The following USO1 variants were observed in gnomAD, a reference collection of about 807,000 sequenced individuals.
The protein encoded by USO1 is general vesicular transport factor p115.
Under a neutral mutation model 124.5 loss-of-function variants are expected in USO1, and 57 were observed. The observed-to-expected ratio is 0.46, with a 90% confidence interval of 0.37 to 0.57. USO1 has a LOEUF of 0.57. Ranked by LOEUF, USO1 falls within the 20% of genes least tolerant of loss-of-function variation. USO1 has a pLI of 0.00. For missense variants in USO1, 900 were observed against 1,040.6 expected (o/e 0.86, Z 1.86); for synonymous variants, 369 against 362.8 (o/e 1.02, Z -0.19).
intron 5 of USO1, 41 bp from the exon 6 acceptor site, chr4:75,770,781 T>G (rs1721905398): frequency 6.3e-7 from 1 of 1,576,324 alleles, no homozygotes; most frequent in African/African-American, 1.4e-5. Context: ...CTCGAAAATG[T>G]GAATTACAGA....
intron 20 of USO1, among the ~76,000 whole-genome samples, chr4:75,807,740 G>C (rs1212847106): frequency 6.6e-6 from 1 of 151,990 alleles, no homozygotes. Flanking sequence ...CTAATATATA[G>C]CCTTAGTTTG....
chr4:75,754,346 G>T (rs1442413866), intron 3 of USO1, among the ~76,000 whole-genome samples: 1 of 151,722 alleles, frequency 6.6e-6, no homozygotes, highest in Non-Finnish European at 1.5e-5. Context: ...GCCTCCCAAA[G>T]TGCTGGGATT....
intron 1 of USO1, chr4:75,745,386 G>A (rs1560438125): frequency 3.9e-6 from 2 of 515,772 alleles, no homozygotes; most frequent in African/African-American, 1.9e-5. Context: ...CACAGGGACT[G>A]TATTACTATG....
chr4:75,802,053 A>ATCCCT (rs910836157), intron 17 of USO1, among the ~76,000 whole-genome samples: 2 of 151,398 alleles, frequency 1.3e-5, no homozygotes, highest in African/African-American at 2.4e-5. Context: ...ACCTCGGGTG[A>ATCCCT]TCCCTTCCCT....
chr4:75,741,943 C>T (rs185491791), intron 1 of USO1, among the ~76,000 whole-genome samples: 2 of 152,240 alleles, frequency 1.3e-5, no homozygotes, highest in East Asian at 3.9e-4. Context: ...CCTAGGCCTA[C>T]ACAGGGCAGG....
At chr4:75,755,909 G>T (rs753402814) in intron 3 of USO1, among the ~76,000 whole-genome samples, 2 of 152,140 alleles carry the variant, frequency 1.3e-5, no homozygotes, top group Non-Finnish European at 2.9e-5. Context: ...GGTGGCTCAT[G>T]CCTGTAATCC....
rs869308522 is a variant in USO1, at chr4:75,733,935, A to ATT, written c.66+9075_66+9076dup. On this transcript the variant is annotated intron_variant, in intron 1 of 23. Transcript: ENST00000514213. ...GATATCTCCTAGATTTTCTTCGAGG[A>ATT]TTTTTTTTTTTTTTTTTTTTTTTTT... Among the ~76,000 whole-genome samples, 214 of 77,086 alleles carry ATT rather than the reference A, an allele frequency of 2.8e-3. 5 individuals carry two copies. Among genetic ancestry groups the ATT allele is most frequent in the African/African-American group, 9.3e-3 (199 of 21,400 alleles). The allele number at this position is 77,086 out of a possible 152,430, so 50.6% of individuals were successfully genotyped here. A position where few individuals can be genotyped will look rare whatever the true frequency, so the allele number is the denominator to read the frequency against.
intron 1 of USO1, among the ~76,000 whole-genome samples, chr4:75,750,380 G>C (rs1471314139): frequency 6.6e-6 from 1 of 152,086 alleles, no homozygotes; most frequent in African/African-American, 2.4e-5. Flanking sequence ...TGTGGCTACA[G>C]GGAGCCATGA....
chr4:75,743,506 CTG>C (rs1398496922), intron 1 of USO1, among the ~76,000 whole-genome samples: 2 of 152,064 alleles, frequency 1.3e-5, no homozygotes, highest in Non-Finnish European at 2.9e-5. Flanking sequence ...CCCTCACTTT[CTG>C]TGTTTGTCTT....
chr4:75,768,006 T>C (rs534391597), intron 4 of USO1, among the ~76,000 whole-genome samples: 8 of 152,218 alleles, frequency 5.3e-5, no homozygotes, highest in African/African-American at 1.9e-4. Flanking sequence ...AGGTCTTCTT[T>C]AATTTCTTTT....
chr4:75,755,489 T>A (rs757311776), intron 3 of USO1: 5 of 519,914 alleles, frequency 9.6e-6, no homozygotes, highest in Non-Finnish European at 1.9e-5. Flanking sequence ...AAGCTAAAGA[T>A]ACAAGCTTTT....
rs369691435 is a variant in USO1, at chr4:75,804,139, C to T, written c.1992C>T (p.Leu664=). ...HYKNMIREQD[L]QLEELRQQVS... ...AATTATGTTTTGTTTCACAGGATCT[C>T]CAACTTGAGGAATTAAGGCAGCAGG... The change falls in exon 18 of 24, where the codon CTC becomes CTT. Residue 664 remains leucine, a synonymous_variant. Transcript: ENST00000514213. 44 of 1,612,496 alleles carry T rather than the reference C, an allele frequency of 2.7e-5. No homozygotes were observed. Among genetic ancestry groups the T allele is most frequent in the Non-Finnish European group, 3.6e-5 (42 of 1,179,352 alleles).
At chr4:75,793,925 A>T (rs757451823) in intron 13 of USO1, 24 bp downstream of exon 13, 1 of 1,613,146 alleles carries the variant, frequency 6.2e-7, no homozygotes, top group South Asian at 1.1e-5. Flanking sequence ...TAAGGGAAAA[A>T]GTTCTATACA....
At chr4:75,810,588 C>T in intron 22 of USO1, 49 bp downstream of exon 22, 1 of 1,515,926 alleles carries the variant, frequency 6.6e-7, no homozygotes, top group Middle Eastern at 1.7e-4. Flanking sequence ...ATGAAATGAA[C>T]TCTAGGAAAT....
At chr4:75,760,404 T>C (rs1721571617) in intron 4 of USO1, among the ~76,000 whole-genome samples, 1 of 152,224 alleles carries the variant, frequency 6.6e-6, no homozygotes, top group Non-Finnish European at 1.5e-5. Flanking sequence ...CCTAAAAATA[T>C]AGCGTATGCT....
Position 75,771,067 on chromosome 4 carries a change from G to A in USO1, c.500-15G>A, listed in dbSNP as rs776669525. On this transcript the variant is annotated splice_polypyrimidine_tract_variant and intron_variant, in intron 6 of 23. Coordinates refer to ENST00000514213, the MANE Select transcript of USO1 (RefSeq NM_003715.4). The stretch of plus-strand genomic sequence containing the variant: ...TTTGGTCTGCCAGCATTTTTCACAT[G>A]GTTGTATGTTCTAGGTGTTTCAAGA... 1 of 1,606,620 alleles carries A rather than the reference G, an allele frequency of 6.2e-7. No individual in the cohort carries two copies. Among genetic ancestry groups the A allele is most frequent in the East Asian group, 2.2e-5 (1 of 44,780 alleles).
chr4:75,785,865 AG>A (rs1722347749), intron 9 of USO1, among the ~76,000 whole-genome samples: 1 of 152,160 alleles, frequency 6.6e-6, no homozygotes, highest in Admixed American at 6.5e-5. Context: ...AAGGAAAAGA[AG>A]TAGTAAGGAT....
intron 23 of USO1, 29 bp downstream of exon 23, chr4:75,812,404 T>G: frequency 6.5e-7 from 1 of 1,536,632 alleles, no homozygotes; most frequent in Non-Finnish European, 8.7e-7. Flanking sequence ...CAAAAATGAT[T>G]TGTATTATGT....
intron 8 of USO1, among the ~76,000 whole-genome samples, chr4:75,778,187 T>A (rs1722123840): frequency 1.3e-5 from 2 of 152,076 alleles, no homozygotes; most frequent in African/African-American, 2.4e-5. Context: ...AACTTTTGGC[T>A]CCCCCAAAAC....
Sources: allele counts gnomAD v4.1 joint callset (sites outside exome capture counted in the v4.1 genomes callset), GRCh38; gene constraint gnomAD v4.1.1; transcripts MANE v1.5; gene names NCBI Gene and HGNC (gene_info 2026-07-23, HGNC 2026-07-21).